EEFSEC: variants seen among roughly 807,000 people sequenced by gnomAD.
EEFSEC encodes eukaryotic elongation factor, selenocysteine-tRNA specific, also known as selenocysteine-specific elongation factor.
In EEFSEC, 43 loss-of-function variants were observed where a neutral mutation model predicts 42.1. The ratio of observed to expected loss-of-function variants is 1.02; its 90% confidence interval spans 0.80 to 1.32. The LOEUF is 1.32. Among genes scored for constraint, EEFSEC ranks in the 40% most tolerant of loss-of-function variants. EEFSEC has a pLI of 0.00. For missense variants in EEFSEC, 745 were observed against 803.6 expected, an observed-to-expected ratio of 0.93 and a Z score of 0.88; for synonymous variants, 354 against 339.1, an observed-to-expected ratio of 1.04 and a Z score of -0.48.
intron 1 of EEFSEC, among the ~76,000 whole-genome samples, chr3:128,194,896 T>A (rs1419169775): frequency 6.6e-6 from 1 of 152,088 alleles, no homozygotes; most frequent in African/African-American, 2.4e-5. Context: ...TTATAAAGAA[T>A]TTTTTTTCCC....
At chr3:128,404,100 G>A (rs574305892) in intron 6 of EEFSEC, among the ~76,000 whole-genome samples, 8 of 152,324 alleles carry the variant, frequency 5.3e-5, no homozygotes, top group Admixed American at 1.3e-4. Flanking sequence ...CTCTTACCAC[G>A]TGACAACCTG....
intron 6 of EEFSEC, among the ~76,000 whole-genome samples, chr3:128,400,550 C>T (rs1004023042): frequency 6.6e-6 from 1 of 152,234 alleles, no homozygotes; most frequent in Non-Finnish European, 1.5e-5. Flanking sequence ...TCCAAAACTG[C>T]TTGTTTACAG....
intron 5 of EEFSEC, among the ~76,000 whole-genome samples, chr3:128,351,570 C>T (rs2067385645): frequency 6.6e-6 from 1 of 152,218 alleles, no homozygotes; most frequent in African/African-American, 2.4e-5. Flanking sequence ...TGCCTGCCTT[C>T]CTTCGTATCA....
intron 4 of EEFSEC, among the ~76,000 whole-genome samples, chr3:128,335,038 C>G (rs1409318554): frequency 1.3e-5 from 2 of 152,212 alleles, no homozygotes; most frequent in South Asian, 4.1e-4. Context: ...CTGGCCAGCC[C>G]CAGGACCACC....
intron 1 of EEFSEC, among the ~76,000 whole-genome samples, chr3:128,192,133 C>T (rs576910016): frequency 6.6e-6 from 1 of 152,234 alleles, no homozygotes; most frequent in African/African-American, 2.4e-5. Context: ...GGAGCTGACC[C>T]TGGAGTGGTG....
At chr3:128,358,427 A>T in intron 6 of EEFSEC, 54 bp downstream of exon 6, 4 of 1,589,194 alleles carry the variant, frequency 2.5e-6, no homozygotes, top group Non-Finnish European at 3.4e-6. Flanking sequence ...GCACAGAGAG[A>T]TGGCAGAGGT....
downstream of EEFSEC, among the ~76,000 whole-genome samples, chr3:128,413,367 G>A (rs984935171): frequency 1.3e-5 from 2 of 152,158 alleles, no homozygotes; most frequent in Non-Finnish European, 2.9e-5. Context: ...GACCCTGCCC[G>A]CATCCCAGCC....
intron 4 of EEFSEC, 62 bp from the exon 5 acceptor site, chr3:128,341,171 T>C: frequency 6.5e-7 from 1 of 1,531,406 alleles, no homozygotes; most frequent in Non-Finnish European, 8.8e-7. Flanking sequence ...GCAGCTCCCC[T>C]CTCCTCCCCA....
At chr3:128,411,391 G>A (rs533814190), downstream of EEFSEC, among the ~76,000 whole-genome samples, 1 of 152,368 alleles carries the variant, frequency 6.6e-6, no homozygotes, top group African/African-American at 2.4e-5. Flanking sequence ...TCCCAGGGGT[G>A]TGGGCAGGGC....
chr3:128,341,778 A>G lies in EEFSEC; in HGVS notation c.1332A>G (p.Leu444=). 1.2e-6 allele frequency: 2 copies of G among 1,614,118 alleles called. No individual in the cohort carries two copies. Among genetic ancestry groups the G allele is most frequent in the Non-Finnish European group, 1.7e-6 (2 of 1,180,040 alleles). The change falls in exon 5 of 7, where the codon CTA becomes CTG. Residue 444 remains leucine, a synonymous_variant. Transcript: ENST00000254730. The part of the protein sequence containing the change: ...DADIHTNTCR[L]AFHGILLHGL... The stretch of plus-strand genomic sequence containing the variant: ...ACATTCACACCAACACGTGCCGGCT[A>G]GCCTTCCATGGCATCCTGCTCCACG...
intron 4 of EEFSEC, among the ~76,000 whole-genome samples, chr3:128,299,014 G>C (rs2066738277): frequency 6.6e-6 from 1 of 152,318 alleles, no homozygotes; most frequent in South Asian, 2.1e-4. Flanking sequence ...GTTGTGAATA[G>C]TGCTGCAGTA....
chr3:128,246,918 C>A lies in EEFSEC; in HGVS notation c.399C>A (p.Ile133=). ...CCCAGTCAGCGGAATGCCTTGTGAT[C>A]GGCCAGATTGCCTGCCAGAAGCTGG... ...MQTQSAECLV[I]GQIACQKLVV... is the part of the protein sequence containing the mutation. The change falls in exon 2 of 7, where the codon ATC becomes ATA. Residue 133 remains isoleucine, a synonymous_variant. Coordinates refer to ENST00000254730, the MANE Select transcript of EEFSEC (RefSeq NM_021937.5). The A allele has an allele frequency of 6.2e-7, 1 of 1,614,172 alleles. No individual in the cohort carries two copies. Among genetic ancestry groups the A allele is most frequent in the South Asian group, 1.1e-5 (1 of 91,080 alleles).
intron 4 of EEFSEC, among the ~76,000 whole-genome samples, chr3:128,329,908 C>G (rs2067107561): frequency 6.6e-6 from 1 of 152,218 alleles, no homozygotes. Context: ...CCCAGACCCA[C>G]CTGGGCTCTT....
chr3:128,321,370 G>T (rs1213358241), intron 4 of EEFSEC, among the ~76,000 whole-genome samples: 1 of 152,166 alleles, frequency 6.6e-6, no homozygotes, highest in African/African-American at 2.4e-5. Flanking sequence ...GCCAAGTTCT[G>T]CCTCCATGAG....
intron 6 of EEFSEC, among the ~76,000 whole-genome samples, chr3:128,390,496 GA>G (rs1029053724): frequency 6.6e-6 from 1 of 152,210 alleles, no homozygotes; most frequent in African/African-American, 2.4e-5. Flanking sequence ...TTCGCCAAAT[GA>G]AAAAACCTAA....
Position 128,341,703 on chromosome 3 carries a change from C to T in EEFSEC, c.1257C>T (p.Pro419=), listed in dbSNP as rs540858707. 3.7e-5 allele frequency: 59 copies of T among 1,614,024 alleles called. 1 individual carries two copies. The Admixed American group carries it at 4.0e-4, about 11-fold the overall frequency. The change falls in exon 5 of 7, where the codon CCC becomes CCT. Residue 419 remains proline (P), a synonymous_variant. Transcript: ENST00000254730. Reference sequence around the variant, plus strand: ...GGGCCCTGGTGGAGTTTGAGAAGCCCGTCACCTGCCCTCGGCTGTGCCTGG... The same window carrying T: ...GGGCCCTGGTGGAGTTTGAGAAGCCTGTCACCTGCCCTCGGCTGTGCCTGG... The part of the protein sequence containing the change: ...QQWALVEFEK[P]VTCPRLCLVI...
chr3:128,270,490 C>T (rs1576595507), intron 4 of EEFSEC, among the ~76,000 whole-genome samples: 1 of 152,106 alleles, frequency 6.6e-6, no homozygotes, highest in Non-Finnish European at 1.5e-5. Flanking sequence ...TAACATAGTC[C>T]TCCCAAATCA....
intron 1 of EEFSEC, among the ~76,000 whole-genome samples, chr3:128,184,659 A>G (rs1242474239): frequency 1.3e-5 from 2 of 152,160 alleles, no homozygotes; most frequent in Middle Eastern, 3.2e-3. Context: ...TCAAGTTATT[A>G]CTTAAATTTT....
rs181111509 is a variant in EEFSEC, at chr3:128,383,776, C to T, written c.1601-24293C>T. On this transcript the variant is annotated intron_variant, in intron 6 of 6. Transcript: ENST00000254730. Reference sequence around the variant, plus strand: ...AGGGGCTCAGACTCAGATACAGATGCCTTCAAGGGGCAGGCAGGTGACAGA... The same window carrying T: ...AGGGGCTCAGACTCAGATACAGATGTCTTCAAGGGGCAGGCAGGTGACAGA... 2.4e-3 allele frequency among the ~76,000 whole-genome samples: 362 copies of T among 152,288 alleles called. 1 individual carries two copies. The highest frequency in any genetic ancestry group is 8.0e-3 in the African/African-American group (334 of 41,554).
Sources: gnomAD v4.1 joint callset for allele counts (sites outside exome capture counted in the v4.1 genomes callset) on GRCh38, gnomAD v4.1.1 for gene constraint, MANE v1.5 for transcripts, NCBI Gene and HGNC (gene_info 2026-07-23, HGNC 2026-07-21) for gene names.